SRBD1: variants seen among roughly 807,000 people sequenced by gnomAD.
The protein encoded by SRBD1 is S1 RNA binding domain 1.
In SRBD1, 88 loss-of-function variants were observed where a neutral mutation model predicts 115.3. The observed-to-expected ratio is 0.76, with a 90% CI of 0.64 to 0.91. The LOEUF is 0.91. SRBD1 is among the 40% of genes least tolerant of loss of function. The pLI, the probability that SRBD1 is intolerant of heterozygous loss-of-function variation, is 0.00. For synonymous variants in SRBD1, 509 were observed against 407.7 expected (o/e 1.25, Z -2.99); for missense variants, 1,385 against 1,177.4 (o/e 1.18, Z -2.58).
At chr2:45,592,199 C>T (rs369188934) in intron 4 of SRBD1, among the ~76,000 whole-genome samples, 2 of 152,206 alleles carry the variant, frequency 1.3e-5, no homozygotes, top group African/African-American at 4.8e-5. Context: ...AACTGTAAGT[C>T]CAATTAAACC....
At chr2:45,565,119 A>C (rs140642788) in intron 9 of SRBD1, among the ~76,000 whole-genome samples, 38 of 152,334 alleles carry the variant, frequency 2.5e-4, no homozygotes, top group African/African-American at 8.9e-4. Context: ...TGTTTTGTGG[A>C]AACTGGTGAA....
intron 14 of SRBD1, among the ~76,000 whole-genome samples, chr2:45,512,136 T>C (rs1336740047): frequency 6.6e-6 from 1 of 152,212 alleles, no homozygotes; most frequent in Non-Finnish European, 1.5e-5. Context: ...TGTCAAGATA[T>C]GAGTCTTGCC....
chr2:45,544,676 A>C (rs1208863750), intron 14 of SRBD1, among the ~76,000 whole-genome samples: 1 of 152,228 alleles, frequency 6.6e-6, no homozygotes, highest in Non-Finnish European at 1.5e-5. Context: ...CTATTGCATC[A>C]AGGTGAAAAT....
At chr2:45,571,785 T>C (rs1423049728) in intron 9 of SRBD1, among the ~76,000 whole-genome samples, 2 of 151,562 alleles carry the variant, frequency 1.3e-5, no homozygotes, top group East Asian at 1.9e-4. Context: ...CAAATTTGAA[T>C]ACAAAGAATA....
intron 14 of SRBD1, among the ~76,000 whole-genome samples, chr2:45,493,296 G>A (rs1016842144): frequency 6.6e-6 from 1 of 152,124 alleles, no homozygotes; most frequent in Admixed American, 6.5e-5. Context: ...TTGCATATGA[G>A]ATAACCTGTT....
rs143264163 is a variant in SRBD1 at position 45,569,822 on chromosome 2, C to G, written c.1305+3385G>C. ...CATACAAAGGAAGCCAACAGCAGAG[C>G]AACATATTCAAGAAACTTAAGTAAA... On this transcript the variant is annotated intron_variant, in intron 9 of 20. Coordinates refer to ENST00000263736, the MANE Select transcript of SRBD1 (RefSeq NM_018079.5). Among the ~76,000 whole-genome samples, 1,387 of 152,246 alleles carry G rather than the reference C, an allele frequency of 9.1e-3. 21 individuals carry two copies. Among genetic ancestry groups the G allele is most frequent in the African/African-American group, 0.031 (1,305 of 41,542 alleles).
At chr2:45,418,035 C>G (rs138922859) in intron 18 of SRBD1, among the ~76,000 whole-genome samples, 1 of 152,222 alleles carries the variant, frequency 6.6e-6, no homozygotes, top group Non-Finnish European at 1.5e-5. Flanking sequence ...AATAACGAAT[C>G]TAAAGTAGTT....
chr2:45,430,806 A>C (rs1169605699), intron 16 of SRBD1, among the ~76,000 whole-genome samples: 1 of 152,244 alleles, frequency 6.6e-6, no homozygotes, highest in African/African-American at 2.4e-5. Context: ...GATCTAACTA[A>C]ACTAAAGAGC....
intron 16 of SRBD1, among the ~76,000 whole-genome samples, chr2:45,474,942 AAAG>A (rs1669762431): frequency 6.6e-6 from 1 of 152,214 alleles, no homozygotes; most frequent in Non-Finnish European, 1.5e-5. Context: ...TAGTGTAATT[AAAG>A]AATATCATTA....
chr2:45,582,930 C>A (rs1372547502), intron 5 of SRBD1, among the ~76,000 whole-genome samples: 1 of 152,096 alleles, frequency 6.6e-6, no homozygotes, highest in Non-Finnish European at 1.5e-5. Flanking sequence ...AACCAGGATT[C>A]CATGTAGAAA....
chr2:45,399,784 T>C (rs775181491), intron 19 of SRBD1, among the ~76,000 whole-genome samples: 5 of 152,230 alleles, frequency 3.3e-5, no homozygotes, highest in Non-Finnish European at 5.9e-5. Context: ...AAAATTAAGT[T>C]AGTGGTTTCA....
intron 19 of SRBD1, among the ~76,000 whole-genome samples, chr2:45,407,484 T>G (rs1667471708): frequency 6.6e-6 from 1 of 152,208 alleles, no homozygotes; most frequent in Non-Finnish European, 1.5e-5. Flanking sequence ...GTGATACCTG[T>G]GAATGTAAGT....
intron 11 of SRBD1, among the ~76,000 whole-genome samples, chr2:45,551,581 G>C (rs1478816473): frequency 6.6e-6 from 1 of 152,158 alleles, no homozygotes; most frequent in Non-Finnish European, 1.5e-5. Flanking sequence ...GAGAAAGACA[G>C]AGAGTGTACG....
intron 18 of SRBD1, among the ~76,000 whole-genome samples, chr2:45,417,201 G>A (rs556375143): frequency 1.3e-5 from 2 of 151,974 alleles, no homozygotes; most frequent in African/African-American, 2.4e-5. Context: ...GTTTTCTTCT[G>A]GTGCTTTTAC....
At chr2:45,604,463 A>C (rs1674202521) in intron 2 of SRBD1, among the ~76,000 whole-genome samples, 1 of 152,118 alleles carries the variant, frequency 6.6e-6, no homozygotes, top group African/African-American at 2.4e-5. Flanking sequence ...AAGAGAAGTT[A>C]AAGGGACTAA....
intron 16 of SRBD1, chr2:45,448,012 T>C (rs1572651708): frequency 6.6e-6 from 1 of 152,178 alleles, no homozygotes; most frequent in Non-Finnish European, 1.5e-5. Context: ...AATGAGAGTA[T>C]TAAATAATAC....
intron 14 of SRBD1, among the ~76,000 whole-genome samples, chr2:45,498,830 CT>C (rs995253186): frequency 2.6e-5 from 4 of 152,072 alleles, no homozygotes; most frequent in African/African-American, 9.7e-5. Flanking sequence ...GGGTTTCATT[CT>C]TTTTTTATGG....
At chr2:45,493,553 G>A (rs1250141075) in intron 14 of SRBD1, among the ~76,000 whole-genome samples, 1 of 152,130 alleles carries the variant, frequency 6.6e-6, no homozygotes, top group Non-Finnish European at 1.5e-5. Flanking sequence ...GCACACACCT[G>A]TAATCCCAGC....
chr2:45,425,434 CAT>C (rs954205277), intron 16 of SRBD1, among the ~76,000 whole-genome samples: 1 of 151,918 alleles, frequency 6.6e-6, no homozygotes, highest in Non-Finnish European at 1.5e-5. Context: ...TAAATATCCA[CAT>C]AGAGGTGACT....
Sources: allele counts gnomAD v4.1 joint callset (sites outside exome capture counted in the v4.1 genomes callset), GRCh38; gene constraint gnomAD v4.1.1; transcripts MANE v1.5; gene names NCBI Gene and HGNC (gene_info 2026-07-23, HGNC 2026-07-21).